Variants in RAB11FIP3 observed in about 807,000 individuals in gnomAD.
RAB11FIP3 encodes rab11 family-interacting protein 3.
Under a neutral mutation model 77.8 loss-of-function variants are expected in RAB11FIP3, and 17 were observed. The ratio of observed to expected loss-of-function variants is 0.22; its 90% CI spans 0.15 to 0.33. The LOEUF is 0.33. RAB11FIP3 is among the 10% of genes least tolerant of loss of function. RAB11FIP3 has a pLI of 1.00. For missense variants in RAB11FIP3, 1,005 were observed against 1,011.2 expected, an observed-to-expected ratio of 0.99 and a Z score of 0.08; for synonymous variants, 437 against 448.2, an observed-to-expected ratio of 0.98 and a Z score of 0.31.
At position 482,725 on chromosome 16, in the gene RAB11FIP3, G is replaced by C. The variant is rs768404255; in HGVS notation, c.1104G>C (p.Leu368=). The change falls in exon 4 of 14, where the codon CTG becomes CTC. Residue 368 remains leucine (L), a synonymous_variant. Transcript: ENST00000262305. ...AGCCCGACCATGGTGCCCTGCTGCT[G>C]CTCCCAGGCAGGTCTGTACCCCGCC... ...MEEPDHGALL[L]LPGRPHPHGQ... is the part of the protein sequence containing the mutation. 1 of 1,603,742 alleles carries C rather than the reference G, an allele frequency of 6.2e-7. No individual in the cohort carries two copies. Among genetic ancestry groups the C allele is most frequent in the Admixed American group, 1.7e-5 (1 of 58,872 alleles).
chr16:494,137 C>T (rs1352300801), intron 5 of RAB11FIP3, among the ~76,000 whole-genome samples: 1 of 133,856 alleles, frequency 7.5e-6, no homozygotes, highest in Non-Finnish European at 1.6e-5. Flanking sequence ...GATCCGCCCG[C>T]CTCGGCCTCC....
chr16:491,933 C>G (rs2030233360), intron 5 of RAB11FIP3, among the ~76,000 whole-genome samples: 1 of 152,360 alleles, frequency 6.6e-6, no homozygotes, highest in South Asian at 2.1e-4. Flanking sequence ...AGTGAGCATA[C>G]AGGCTCATGC....
At position 470,083 on chromosome 16, in the gene RAB11FIP3, G is replaced by A. The variant is rs534301096; in HGVS notation, c.809-1212G>A. On this transcript the variant is annotated intron_variant, in intron 2 of 13. Coordinates refer to ENST00000262305, the MANE Select transcript of RAB11FIP3 (RefSeq NM_014700.4). ...GTGATTTCGGCTCCCTGAAACATCC[G>A]CCTCCCAGGTTCAAGTGATTCTCCT... Among the ~76,000 whole-genome samples, 119 of 151,382 alleles carry A rather than the reference G, an allele frequency of 7.9e-4. 1 individual carries two copies. In the South Asian group the frequency reaches 0.011, roughly 14 times the overall value.
At position 475,092 on chromosome 16, in the gene RAB11FIP3, T is replaced by C. The variant is rs1446963004; in HGVS notation, c.903+3703T>C. On this transcript the variant is annotated intron_variant, in intron 3 of 13. Transcript: ENST00000262305. ...GCCTGTGAGGCCACCCGGGCCAGCA[T>C]CTGAGGGTAAGAGGAGGCAGTAGTG... 7.1e-6 allele frequency: 11 copies of C among 1,551,228 alleles called. No individual in the cohort carries two copies. The African/African-American group carries it at 9.6e-5, about 14-fold the overall frequency.
At chr16:467,768 G>C (rs375899574) in intron 2 of RAB11FIP3, among the ~76,000 whole-genome samples, 3 of 49,392 alleles carry the variant, frequency 6.1e-5, no homozygotes, top group East Asian at 5.1e-4. Context: ...GTGCAGGGGC[G>C]TCAGGGAGGA....
rs2031917327 is a variant in RAB11FIP3, at chr16:507,143, C to T, written c.1499+1516C>T. On this transcript the variant is annotated intron_variant, in intron 8 of 13. Coordinates refer to ENST00000262305, the MANE Select transcript of RAB11FIP3 (RefSeq NM_014700.4). This position sits in a 1 kb window ranked among gnomAD's most constrained non-coding sequence, Gnocchi z 4.6. ...TTTTTTTTTTTTTGAGACGGGGTCT[C>T]TCTCTGTCTCCAGGCTGGAGTGCAG... Among the ~76,000 whole-genome samples the T allele has an allele frequency of 6.8e-6, 1 of 146,890 alleles. No homozygotes were observed. The highest frequency in any genetic ancestry group is 6.8e-5 in the Admixed American group (1 of 14,678).
At chr16:485,709 C>G (rs1232838446) in intron 4 of RAB11FIP3, among the ~76,000 whole-genome samples, 1 of 152,132 alleles carries the variant, frequency 6.6e-6, no homozygotes, top group Admixed American at 6.5e-5. Flanking sequence ...CAGCCCCTGG[C>G]CAGAACAGAT....
At position 519,037 on chromosome 16, in the gene RAB11FIP3, C is replaced by A; in HGVS notation, c.1722+13C>A. 1 of 1,612,530 alleles carries A rather than the reference C, an allele frequency of 6.2e-7. No individual in the cohort carries two copies. The highest frequency in any genetic ancestry group is 8.5e-7 in the Non-Finnish European group (1 of 1,179,560). On this transcript the variant is annotated intron_variant, in intron 10 of 13. Transcript: ENST00000262305. ...GCGTCTGGAGGAGGTGAGCTGCCAA[C>A]AGCCTGGAGCTGTGGCCAGTGGGGC... is the stretch of plus-strand genomic sequence containing the variant.
chr16:480,913 C>G lies in RAB11FIP3; in HGVS notation c.904-1612C>G, dbSNP rs566302384. Among the ~76,000 whole-genome samples the G allele has an allele frequency of 3.0e-3, 339 of 113,284 alleles. 55 individuals carry two copies. The highest frequency in any genetic ancestry group is 8.6e-3 in the African/African-American group (314 of 36,716). 74.3% of individuals were successfully genotyped at this position (113,284 alleles called of 152,430 possible). A position where few individuals can be genotyped will look rare whatever the true frequency, so the allele number is the denominator to read the frequency against. On this transcript the variant is annotated intron_variant, in intron 3 of 13. Coordinates refer to ENST00000262305, the MANE Select transcript of RAB11FIP3 (RefSeq NM_014700.4). ...ACAACATCCACCTCCCTGGTTCAAGCAATTTGCCTGCCTCAGCCTCCTGAG... is the reference window on the plus strand; with the variant it reads ...ACAACATCCACCTCCCTGGTTCAAGGAATTTGCCTGCCTCAGCCTCCTGAG...
chr16:444,917 A>T lies in RAB11FIP3; in HGVS notation c.715-16487A>T, dbSNP rs564392752. On this transcript the variant is annotated intron_variant, in intron 1 of 13. Coordinates refer to ENST00000262305, the MANE Select transcript of RAB11FIP3 (RefSeq NM_014700.4). ...AATACGAAGTCAGGGGACCGAGCCCATGCTGGCTAACATGGTGAAACCCTG... is the reference window on the plus strand; with the variant it reads ...AATACGAAGTCAGGGGACCGAGCCCTTGCTGGCTAACATGGTGAAACCCTG... Among the ~76,000 whole-genome samples, 167 of 151,868 alleles carry T rather than the reference A, an allele frequency of 1.1e-3. 1 individual carries two copies. Among genetic ancestry groups the T allele is most frequent in the African/African-American group, 3.9e-3 (161 of 41,388 alleles).
chr16:465,823 G>A (rs537591033), intron 2 of RAB11FIP3, among the ~76,000 whole-genome samples: 7 of 152,170 alleles, frequency 4.6e-5, no homozygotes, highest in Middle Eastern at 3.4e-3. Context: ...CAGGCTGGTC[G>A]TGAACTCCTG....
At chr16:510,890 G>A in intron 9 of RAB11FIP3, 90 bp downstream of exon 9, 2 of 1,492,414 alleles carry the variant, frequency 1.3e-6, no homozygotes, top group Non-Finnish European at 1.8e-6. Flanking sequence ...AGAAACTGCA[G>A]GCCAGGTAGG....
At chr16:473,818 C>T (rs2055852185) in intron 3 of RAB11FIP3, among the ~76,000 whole-genome samples, 1 of 152,160 alleles carries the variant, frequency 6.6e-6, no homozygotes, top group South Asian at 2.1e-4. Flanking sequence ...GACAGGTCCA[C>T]GATTATAGTG....
intron 9 of RAB11FIP3, among the ~76,000 whole-genome samples, chr16:512,621 A>G (rs1273996605): frequency 1.5e-5 from 2 of 135,766 alleles, no homozygotes; most frequent in African/African-American, 2.9e-5. Context: ...TTGGCTCACC[A>G]CAACCTCTGT....
rs145936090 is a variant in RAB11FIP3, at chr16:521,353, T to C, written c.*514T>C. The C allele has an allele frequency of 7.4e-4, 116 of 157,692 alleles. No homozygotes were observed. The highest frequency in any genetic ancestry group is 1.2e-3 in the Non-Finnish European group (83 of 71,050). 9.8% of individuals were successfully genotyped at this position (157,692 alleles called of 1,614,324 possible). ...AAGTACGCTGGTGCCGTGTCACCCA[T>C]GTTGAGCCGCTCCTGATGGCTGACG... is the stretch of plus-strand genomic sequence containing the variant. On this transcript the variant is annotated 3_prime_UTR_variant, in exon 14 of 14. Transcript: ENST00000262305.
At chr16:444,913 G>T (rs1358006824) in intron 1 of RAB11FIP3, among the ~76,000 whole-genome samples, 1 of 151,874 alleles carries the variant, frequency 6.6e-6, no homozygotes, top group African/African-American at 2.4e-5. Context: ...AGGGGACCGA[G>T]CCCATGCTGG....
intron 1 of RAB11FIP3, among the ~76,000 whole-genome samples, chr16:447,464 C>A (rs372887732): frequency 2.0e-5 from 3 of 152,096 alleles, no homozygotes; most frequent in Non-Finnish European, 4.4e-5. Context: ...TGTGGCCGGG[C>A]GCAGTGGCTC....
Position 522,270 on chromosome 16 carries a change from A to ATATG in RAB11FIP3, c.*1435_*1438dup, listed in dbSNP as rs1555437376. 27 of 146,614 alleles carry ATATG rather than the reference A, an allele frequency of 1.8e-4. No homozygotes were observed. The highest frequency in any genetic ancestry group is 4.1e-4 in the Admixed American group (6 of 14,716). 9.1% of individuals were successfully genotyped at this position (146,614 alleles called of 1,614,324 possible). On this transcript the variant is annotated 3_prime_UTR_variant, in exon 14 of 14. Coordinates refer to ENST00000262305, the MANE Select transcript of RAB11FIP3 (RefSeq NM_014700.4). ...AATATATATATATATATATATATAT[A>ATATG]TATGTATAATATATAAAGACTGGCA...
intron 1 of RAB11FIP3, among the ~76,000 whole-genome samples, chr16:429,419 A>C (rs2055000726): frequency 1.3e-5 from 2 of 152,086 alleles, no homozygotes; most frequent in South Asian, 4.1e-4. Context: ...CTACCTTGAG[A>C]TTTCAAAATA....
Sources: gnomAD v4.1 joint callset for allele counts (sites outside exome capture counted in the v4.1 genomes callset) on GRCh38, gnomAD v4.1.1 for gene constraint, Gnocchi (gnomAD v3.1) non-coding constraint, MANE v1.5 for transcripts, NCBI Gene and HGNC (gene_info 2026-07-23, HGNC 2026-07-21) for gene names.